The following SIRPB2 variants were observed in gnomAD, a reference collection of about 807,000 sequenced individuals.
SIRPB2 encodes the protein signal-regulatory protein beta-2.
Under a neutral mutation model 27.1 loss-of-function variants are expected in SIRPB2, and 18 were observed. The ratio of observed to expected loss-of-function variants is 0.66; its 90% CI spans 0.46 to 0.98. The LOEUF (loss-of-function observed/expected upper bound fraction) is 0.98, where lower values mean the gene tolerates loss of function less well. Ranked by LOEUF, SIRPB2 falls within the 50% of genes least tolerant of loss-of-function variation. The pLI is 0.00. For missense variants in SIRPB2, 420 were observed against 417.4 expected (o/e 1.01, Z -0.06); for synonymous variants, 150 against 164.6 (o/e 0.91, Z 0.68).
downstream of SIRPB2, among the ~76,000 whole-genome samples, chr20:1,471,483 T>TA (rs550914403): frequency 2.6e-3 from 393 of 152,366 alleles, 4 homozygotes; most frequent in African/African-American, 8.9e-3. Flanking sequence ...AACCTGGATA[T>TA]AACTCAAATG....
At chr20:1,478,990 T>G in intron 2 of SIRPB2, 1 of 197,282 alleles carries the variant, frequency 5.1e-6, no homozygotes, top group Non-Finnish European at 1.1e-5. Flanking sequence ...CAAGTTAAAA[T>G]GAACTCCCAC....
At chr20:1,486,381 C>G (rs2090726760) in intron 1 of SIRPB2, among the ~76,000 whole-genome samples, 1 of 152,036 alleles carries the variant, frequency 6.6e-6, no homozygotes, top group Non-Finnish European at 1.5e-5. Context: ...CCAAATTTTC[C>G]ATATCTTTAA....
chr20:1,487,404 T>C (rs1354364891), intron 1 of SIRPB2, among the ~76,000 whole-genome samples: 1 of 152,226 alleles, frequency 6.6e-6, no homozygotes, highest in Non-Finnish European at 1.5e-5. Flanking sequence ...CTCAATGCCA[T>C]TCCCATTCAA....
chr20:1,477,431 T>C (rs2090617722), intron 3 of SIRPB2, 28 bp from the exon 4 acceptor site: 1 of 1,595,980 alleles, frequency 6.3e-7, no homozygotes, highest in Non-Finnish European at 8.6e-7. Flanking sequence ...TTTGTCATAC[T>C]TCCCTTTATC....
Position 1,476,272 on chromosome 20 carries a change from T to G in SIRPB2, c.924A>C (p.Leu308=). The G allele has an allele frequency of 6.2e-7, 1 of 1,613,700 alleles. No homozygotes were observed. The highest frequency in any genetic ancestry group is 1.1e-5 in the South Asian group (1 of 91,048). ...GLKAITLAAL[L]LALATSRRSP... is the part of the protein sequence containing the mutation. ...TCCTCCGAGAGGTAGCCAGGGCCAG[T>G]AGGAGTGCAGCCAAGGTAATTGCCT... The change falls in exon 5 of 5, where the codon CTA becomes CTC. Residue 308 remains leucine, a synonymous_variant. Transcript: ENST00000359801.
At chr20:1,477,956 G>C in intron 3 of SIRPB2, 1 of 503,904 alleles carries the variant, frequency 2.0e-6, no homozygotes, top group South Asian at 1.5e-5. Flanking sequence ...TTACAAGAGT[G>C]AACTACGGTG....
intron 1 of SIRPB2, among the ~76,000 whole-genome samples, chr20:1,484,732 T>C (rs1034087681): frequency 2.0e-5 from 3 of 150,714 alleles, no homozygotes; most frequent in African/African-American, 7.3e-5. Flanking sequence ...CCACCACAAA[T>C]ATATGCTGGT....
At chr20:1,476,420 C>A in intron 4 of SIRPB2, 84 bp from the exon 5 acceptor site, 2 of 1,348,280 alleles carry the variant, frequency 1.5e-6, no homozygotes, top group South Asian at 1.4e-5. Flanking sequence ...TGGGCAAGGT[C>A]ACATCCTGCT....
intron 3 of SIRPB2, among the ~76,000 whole-genome samples, chr20:1,477,881 G>T (rs562409539): frequency 1.4e-4 from 22 of 152,232 alleles, no homozygotes; most frequent in African/African-American, 5.3e-4. Context: ...CACCGTGTTG[G>T]TCAGGCTGGT....
chr20:1,477,379 G>A lies in SIRPB2; in HGVS notation c.818C>T (p.Ala273Val). The change falls in exon 4 of 5, where the codon GCA becomes GTA. Residue 273 changes from alanine (A) to valine (V), a missense_variant. Ala to Val is a moderately conservative substitution (Grantham distance 64). Coordinates refer to ENST00000359801, the MANE Select transcript of SIRPB2 (RefSeq NM_001122962.2). ...AGTTGCAGGTTCACTGGTGAATTCT[G>A]CCTCTTTGGAAGAGGTAGATTTTGC... is the stretch of plus-strand genomic sequence containing the variant. ...VKAKSTSSKE[A>V]EFTSEPATEM... 1 of 1,613,890 alleles carries A rather than the reference G, an allele frequency of 6.2e-7. No homozygotes were observed. Among genetic ancestry groups the A allele is most frequent in the Non-Finnish European group, 8.5e-7 (1 of 1,179,824 alleles).
At chr20:1,473,629 G>A (rs561574057), downstream of SIRPB2, among the ~76,000 whole-genome samples, 3 of 152,312 alleles carry the variant, frequency 2.0e-5, no homozygotes, top group South Asian at 6.2e-4. Context: ...GTTAAGCAGA[G>A]ACTTGAATGA....
chr20:1,486,662 A>T (rs183057061), intron 1 of SIRPB2, among the ~76,000 whole-genome samples: 1 of 152,182 alleles, frequency 6.6e-6, no homozygotes, highest in East Asian at 1.9e-4. Context: ...TTTAACATTC[A>T]AAAATCAATC....
intron 4 of SIRPB2, chr20:1,476,645 T>G (rs548567257): frequency 5.3e-4 from 458 of 864,410 alleles, no homozygotes; most frequent in Non-Finnish European, 6.1e-4. Context: ...TTTTTATAGA[T>G]AAGGAGACAG....
downstream of SIRPB2, among the ~76,000 whole-genome samples, chr20:1,472,417 T>C (rs1024367849): frequency 4.6e-5 from 7 of 152,194 alleles, no homozygotes; most frequent in African/African-American, 1.7e-4. Context: ...CTATAGGATT[T>C]TACAACTGAG....
At chr20:1,489,180 G>A (rs765535733) in intron 1 of SIRPB2, among the ~76,000 whole-genome samples, 1 of 152,192 alleles carries the variant, frequency 6.6e-6, no homozygotes, top group African/African-American at 2.4e-5. Context: ...CAGATCCGTG[G>A]TTGTTTTGGA....
intron 1 of SIRPB2, among the ~76,000 whole-genome samples, chr20:1,483,601 G>A (rs1026150890): frequency 7.2e-5 from 11 of 151,918 alleles, no homozygotes; most frequent in Admixed American, 2.0e-4. Flanking sequence ...TTATTTATTT[G>A]TTTGTTTGCT....
chr20:1,481,401 T>C (rs1568646637), intron 1 of SIRPB2, among the ~76,000 whole-genome samples: 1 of 152,144 alleles, frequency 6.6e-6, no homozygotes, highest in Non-Finnish European at 1.5e-5. Context: ...TCAGTAGATA[T>C]CGTGTCCAGG....
intron 3 of SIRPB2, 78 bp from the exon 4 acceptor site, chr20:1,477,481 C>G: frequency 6.5e-7 from 1 of 1,539,002 alleles, no homozygotes; most frequent in East Asian, 2.3e-5. Context: ...GAGCTGGGAT[C>G]TCTGGGATGA....
In SIRPB2 at chr20:1,477,343, G is replaced by T. The variant is rs771817022; in HGVS notation, c.854C>A (p.Pro285Gln). ...FTSEPATEMS[P>Q]TGLLVVFAPV... is the part of the protein sequence containing the mutation. ...ACTGAGGTGGGTACGCTCACCTGTT[G>T]GAGACATCTCAGTTGCAGGTTCACT... Residue 285 changes from proline to glutamine, a missense_variant, in exon 4 of 5, where the codon CCA becomes CAA. By Grantham distance (76) the Pro-to-Gln change is moderately conservative. Transcript: ENST00000359801. 2 of 1,614,182 alleles carry T rather than the reference G, an allele frequency of 1.2e-6. No homozygotes were observed. The highest frequency in any genetic ancestry group is 1.7e-6 in the Non-Finnish European group (2 of 1,180,018).
Sources: gnomAD v4.1 joint callset for allele counts (sites outside exome capture counted in the v4.1 genomes callset) on GRCh38, gnomAD v4.1.1 for gene constraint, MANE v1.5 for transcripts, NCBI Gene and HGNC (gene_info 2026-07-23, HGNC 2026-07-21) for gene names.